Variants in CLVS1 observed in about 807,000 individuals in gnomAD.
CLVS1 encodes the protein clavesin 1, also known as clavesin-1.
CLVS1 carries 10 observed loss-of-function variants against 33.1 expected under a neutral mutation model. That is an observed-to-expected ratio of 0.30 (90% CI 0.19 to 0.51). CLVS1 has a LOEUF of 0.51. Ranked by LOEUF, CLVS1 falls within the 20% of genes least tolerant of loss-of-function variation. The pLI is 0.97. For synonymous variants in CLVS1, 163 were observed against 166.1 expected (o/e 0.98, Z 0.14); for missense variants, 343 against 433.4 (o/e 0.79, Z 1.85).
chr8:61,025,198 C>T, the CLVS1 span, among the ~76,000 whole-genome samples: 2 of 152,256 alleles, frequency 1.3e-5, no homozygotes, highest in African/African-American at 4.8e-5. Context: ...AAAAGTAAAC[C>T]TCTCTCTCTA....
intron 2 of CLVS1, among the ~76,000 whole-genome samples, chr8:61,255,591 A>G (rs947918695): frequency 2.0e-5 from 3 of 152,206 alleles, no homozygotes; most frequent in Non-Finnish European, 2.9e-5. Flanking sequence ...TGAGCTTCTC[A>G]TTATCATCAT....
At chr8:61,110,278 C>A (rs1585616904) in intron 1 of CLVS1, among the ~76,000 whole-genome samples, 1 of 152,294 alleles carries the variant, frequency 6.6e-6, no homozygotes, top group African/African-American at 2.4e-5. Flanking sequence ...GCTGCCCTGA[C>A]AACCCAGGCT....
intron 1 of CLVS1, among the ~76,000 whole-genome samples, chr8:61,085,888 G>A (rs185110590): frequency 0.013 from 1,989 of 151,638 alleles, 22 homozygotes; most frequent in Non-Finnish European, 0.022. Context: ...GCCGGGTATG[G>A]TGGCGGGCGC....
intron 2 of CLVS1, among the ~76,000 whole-genome samples, chr8:61,363,977 G>T (rs1170986149): frequency 6.6e-6 from 1 of 152,124 alleles, no homozygotes; most frequent in Non-Finnish European, 1.5e-5. Flanking sequence ...ATCTGGTCCT[G>T]CCAATTAACT....
chr8:61,101,771 GT>G (rs1805454760), intron 1 of CLVS1, among the ~76,000 whole-genome samples: 2 of 148,808 alleles, frequency 1.3e-5, no homozygotes, highest in Admixed American at 1.3e-4. Flanking sequence ...TACATTTTGA[GT>G]TAACGTTTTA....
upstream of CLVS1, among the ~76,000 whole-genome samples, chr8:61,285,123 T>C (rs1334305044): frequency 6.6e-6 from 1 of 152,122 alleles, no homozygotes. Context: ...AGAATTAAAA[T>C]AAGCCTTGGA....
chr8:61,295,050 A>G (rs373945558), intron 1 of CLVS1, among the ~76,000 whole-genome samples: 9 of 152,198 alleles, frequency 5.9e-5, no homozygotes, highest in African/African-American at 2.2e-4. Flanking sequence ...ATACAAAAAT[A>G]CCATTACCTA....
intron 3 of CLVS1, among the ~76,000 whole-genome samples, chr8:61,411,979 C>T (rs577851074): frequency 3.9e-5 from 6 of 152,190 alleles, no homozygotes; most frequent in African/African-American, 7.2e-5. Flanking sequence ...TGCTGGAAAC[C>T]GGGAAAAAGG....
chr8:61,293,531 T>C (rs1810073284), intron 1 of CLVS1, among the ~76,000 whole-genome samples: 1 of 152,194 alleles, frequency 6.6e-6, no homozygotes, highest in South Asian at 2.1e-4. Context: ...AAGAAAGATT[T>C]CAAATAGAGT....
intron 5 of CLVS1, among the ~76,000 whole-genome samples, chr8:61,462,495 A>G (rs1422978746): frequency 6.6e-6 from 1 of 152,028 alleles, no homozygotes; most frequent in East Asian, 1.9e-4. Flanking sequence ...AGCAATTCTC[A>G]TGCCTCAGCC....
At chr8:61,157,282 G>T (rs1010569516) in intron 2 of CLVS1, among the ~76,000 whole-genome samples, 1 of 151,904 alleles carries the variant, frequency 6.6e-6, no homozygotes, top group East Asian at 1.9e-4. Context: ...GCACTAAAAC[G>T]ATTTACAGGG....
chr8:61,072,529 C>T (rs940515336), intron 1 of CLVS1, among the ~76,000 whole-genome samples: 1 of 152,144 alleles, frequency 6.6e-6, no homozygotes, highest in Non-Finnish European at 1.5e-5. Context: ...CCAAAACAAA[C>T]CTTACTTAAA....
Position 61,109,690 on chromosome 8 carries a change from G to T in CLVS1, c.-242-22080G>T, listed in dbSNP as rs546927351. ...AGGTGGGGCTCTGAAGAGGCGATTG[G>T]ATCATGAGGGCTCTGCCTTCATGAA... On this transcript the variant is annotated intron_variant, in intron 1 of 2. Coordinates refer to the CLVS1 transcript ENST00000522621. 1.4e-4 allele frequency among the ~76,000 whole-genome samples: 22 copies of T among 152,270 alleles called. No individual in the cohort carries two copies. In the South Asian group the frequency reaches 2.9e-3, roughly 20 times the overall value.
At position 61,299,838 on chromosome 8, in the gene CLVS1, T is replaced by A; in HGVS notation, c.11T>A (p.Val4Asp). 6.2e-7 allele frequency: 1 copy of A among 1,609,538 alleles called. No individual in the cohort carries two copies. The highest frequency in any genetic ancestry group is 8.5e-7 in the Non-Finnish European group (1 of 1,177,432). The change falls in exon 2 of 6, where the codon GTC (valine) becomes GAC (aspartate). Residue 4 changes from valine to aspartate, a missense_variant. Transcript: ENST00000325897. MGP[V>D]SLLPKYQKLN... The stretch of plus-strand genomic sequence containing the variant: ...CAGACCATCAGGTGAATGGGACCAG[T>A]CTCTCTTCTTCCAAAATATCAGAAG...
At chr8:61,274,399 T>C (rs1809524451) in intron 2 of CLVS1, among the ~76,000 whole-genome samples, 2 of 152,200 alleles carry the variant, frequency 1.3e-5, no homozygotes, top group South Asian at 4.1e-4. Context: ...GCTTAAATCT[T>C]CTTGATAGTT....
chr8:61,314,605 T>C (rs911710219), intron 2 of CLVS1, among the ~76,000 whole-genome samples: 14 of 152,348 alleles, frequency 9.2e-5, no homozygotes, highest in African/African-American at 3.1e-4. Flanking sequence ...AATTAATACT[T>C]TCTTCATGAC....
intron 2 of CLVS1, among the ~76,000 whole-genome samples, chr8:61,350,043 A>G (rs1407585788): frequency 1.3e-5 from 2 of 152,178 alleles, no homozygotes; most frequent in Non-Finnish European, 2.9e-5. Context: ...GCATTAAACC[A>G]TAGCATTAAT....
intron 2 of CLVS1, among the ~76,000 whole-genome samples, chr8:61,230,623 T>C (rs1234674611): frequency 2.6e-5 from 4 of 152,230 alleles, no homozygotes; most frequent in Non-Finnish European, 5.9e-5. Context: ...AATTGTGTAC[T>C]TTATAATTTG....
rs2129591961 is a variant in CLVS1, at chr8:61,255,771, A to C, written c.-151-43906A>C. Among the ~76,000 whole-genome samples, 3 of 152,314 alleles carry C rather than the reference A, an allele frequency of 2.0e-5. No homozygotes were observed. In the South Asian group the frequency reaches 6.2e-4, roughly 32 times the overall value. On this transcript the variant is annotated intron_variant, in intron 2 of 2. Coordinates refer to the CLVS1 transcript ENST00000522621. ...CAAAAGATTTGCCATAATTTAAAAA[A>C]ACTCTGAAACTTGAACCTACTATAA...
Sources: gnomAD v4.1 joint callset for allele counts (sites outside exome capture counted in the v4.1 genomes callset) on GRCh38, gnomAD v4.1.1 for gene constraint, MANE v1.5 for transcripts, NCBI Gene and HGNC (gene_info 2026-07-23, HGNC 2026-07-21) for gene names.